The following ANK3 variants were observed in gnomAD, a reference collection of about 807,000 sequenced individuals.
ANK3 encodes the protein ankyrin 3.
In ANK3, 57 loss-of-function variants were observed where a neutral mutation model predicts 370.9. The ratio of observed to expected loss-of-function variants is 0.15; its 90% confidence interval spans 0.12 to 0.19. The LOEUF is 0.19. ANK3 is among the 10% of genes least tolerant of loss of function. The probability of loss-of-function intolerance (pLI) is 1.00; values close to 1 mark genes in which losing one functional copy is unlikely to be tolerated. For synonymous variants in ANK3, 1,929 were observed against 1,946.3 expected (o/e 0.99, Z 0.23); for missense variants, 4,439 against 5,302.1 (o/e 0.84, Z 5.06).
At chr10:60,046,697 A>G (rs2077019681) in intron 42 of ANK3, among the ~76,000 whole-genome samples, 1 of 152,168 alleles carries the variant, frequency 6.6e-6, no homozygotes, top group Admixed American at 6.5e-5. Flanking sequence ...GAGTCATAAA[A>G]TACATTTTTA....
intron 2 of ANK3, among the ~76,000 whole-genome samples, chr10:60,589,295 T>C (rs2077877679): frequency 6.6e-6 from 1 of 152,218 alleles, no homozygotes; most frequent in Non-Finnish European, 1.5e-5. Context: ...TATCTTATTC[T>C]AATTTTGCAC....
intron 1 of ANK3, among the ~76,000 whole-genome samples, chr10:60,387,818 G>C (rs563634353): frequency 5.0e-4 from 76 of 152,250 alleles, no homozygotes; most frequent in African/African-American, 1.8e-3. Flanking sequence ...AAGTCAAACA[G>C]GGACCCAGGC....
In ANK3 at chr10:60,069,029, G is replaced by C. The variant is rs1328368139; in HGVS notation, c.11852C>G (p.Pro3951Arg). The C allele has an allele frequency of 6.2e-7, 1 of 1,614,096 alleles. No individual in the cohort carries two copies. Among genetic ancestry groups the C allele is most frequent in the Admixed American group, 1.7e-5 (1 of 59,992 alleles). The change falls in exon 37 of 44, where the codon CCA (proline) becomes CGA (arginine). Residue 3951 changes from proline (P) to arginine (R), a missense_variant. Transcript: ENST00000280772. The stretch of plus-strand genomic sequence containing the variant: ...GACACAGGTGGATCTTACCTTTACT[G>C]GCAACTTGGATGGAAGCTGTTTGGC... Reference protein sequence around the residue: ...GKAKQLPSKLPVKVRSTCVTT... With the variant: ...GKAKQLPSKLRVKVRSTCVTT...
At chr10:60,559,492 G>T (rs548252123) in intron 2 of ANK3, among the ~76,000 whole-genome samples, 33 of 152,214 alleles carry the variant, frequency 2.2e-4, no homozygotes, top group African/African-American at 7.7e-4. Context: ...AACTGTGCTA[G>T]CTACTTGACA....
chr10:60,156,838 T>C (rs2095343813), intron 23 of ANK3, among the ~76,000 whole-genome samples: 1 of 152,154 alleles, frequency 6.6e-6, no homozygotes, highest in Non-Finnish European at 1.5e-5. Context: ...AACAAGCCTA[T>C]ACTGTGAAGA....
chr10:60,123,173 A>G (rs1267015243), intron 25 of ANK3, among the ~76,000 whole-genome samples: 1 of 152,218 alleles, frequency 6.6e-6, no homozygotes, highest in Admixed American at 6.5e-5. Context: ...TGTTAAAGAA[A>G]AATTCACACG....
At chr10:60,233,966 C>G (rs934763140) in intron 8 of ANK3, among the ~76,000 whole-genome samples, 1 of 152,186 alleles carries the variant, frequency 6.6e-6, no homozygotes, top group South Asian at 2.1e-4. Flanking sequence ...TTTCACTATT[C>G]TAGATGTCTC....
At chr10:60,484,467 G>T (rs2075300816) in intron 2 of ANK3, among the ~76,000 whole-genome samples, 1 of 152,178 alleles carries the variant, frequency 6.6e-6, no homozygotes, top group East Asian at 1.9e-4. Flanking sequence ...GAGATATGTG[G>T]GAAAGACTAA....
intron 1 of ANK3, among the ~76,000 whole-genome samples, chr10:60,722,881 C>T (rs1362934448): frequency 6.6e-6 from 1 of 152,170 alleles, no homozygotes; most frequent in African/African-American, 2.4e-5. Context: ...CTTCCTGATG[C>T]CTTAGCAGGA....
intron 1 of ANK3, among the ~76,000 whole-genome samples, chr10:60,728,617 A>G (rs1432862349): frequency 6.6e-6 from 1 of 152,218 alleles, no homozygotes; most frequent in Admixed American, 6.5e-5. Context: ...AATAAACCTT[A>G]GAAATACTTT....
chr10:60,283,051 C>T (rs1243634656), intron 1 of ANK3, among the ~76,000 whole-genome samples: 8 of 152,182 alleles, frequency 5.3e-5, no homozygotes, highest in Non-Finnish European at 1.0e-4. Flanking sequence ...TCTGGATACA[C>T]ATTGGTGGAA....
At position 60,389,525 on chromosome 10, in the gene ANK3, G is replaced by A. The variant is rs1235246078; in HGVS notation, c.14C>T (p.Ala5Val). The A allele has an allele frequency of 6.2e-7, 1 of 1,613,538 alleles. No homozygotes were observed. The highest frequency in any genetic ancestry group is 8.5e-7 in the Non-Finnish European group (1 of 1,179,890). Residue 5 changes from alanine to valine, a missense_variant, in exon 1 of 44, where the codon GCC becomes GTC. Ala to Val is a moderately conservative substitution (Grantham distance 64, BLOSUM62 0). Around this residue, in one of 13 missense-constraint regions of ANK3, gnomAD observed 54 missense variants for 52.7 expected, o/e 1.02. Coordinates refer to ENST00000280772, the MANE Select transcript of ANK3 (RefSeq NM_020987.5). Reference sequence around the variant, plus strand: ...ATCCCTGTTTTTCTTTAATTGTGAGGCTGCATGAGCCATAATGCATTTAAA... The same window carrying A: ...ATCCCTGTTTTTCTTTAATTGTGAGACTGCATGAGCCATAATGCATTTAAA... MAHA[A>V]SQLKKNRDLE...
intron 29 of ANK3, among the ~76,000 whole-genome samples, chr10:60,087,353 C>G (rs1351399459): frequency 6.6e-6 from 1 of 152,196 alleles, no homozygotes; most frequent in Non-Finnish European, 1.5e-5. Flanking sequence ...TACTAAGCCT[C>G]TCTTCTACCA....
At chr10:60,246,500 T>C (rs142589828) in intron 7 of ANK3, among the ~76,000 whole-genome samples, 1 of 152,204 alleles carries the variant, frequency 6.6e-6, no homozygotes, top group Non-Finnish European at 1.5e-5. Context: ...CCGAAGATAC[T>C]GATGCCAATG....
intron 23 of ANK3, among the ~76,000 whole-genome samples, chr10:60,148,353 T>G (rs1340976601): frequency 6.6e-6 from 1 of 152,198 alleles, no homozygotes; most frequent in East Asian, 1.9e-4. Context: ...ATAGGACATT[T>G]TTCATTGCTC....
At chr10:60,485,231 T>G (rs1298475970) in intron 2 of ANK3, among the ~76,000 whole-genome samples, 1 of 152,170 alleles carries the variant, frequency 6.6e-6, no homozygotes, top group African/African-American at 2.4e-5. Flanking sequence ...TCCTAGAGGC[T>G]GAAATCTGTT....
At chr10:60,408,291 G>A (rs1342277531) in intron 2 of ANK3, among the ~76,000 whole-genome samples, 1 of 152,192 alleles carries the variant, frequency 6.6e-6, no homozygotes, top group Non-Finnish European at 1.5e-5. Flanking sequence ...GTGTTGGGGT[G>A]TGGCTTGGTG....
intron 13 of ANK3, 22 bp downstream of exon 13, chr10:60,200,107 A>G (rs1244095654): frequency 2.5e-6 from 4 of 1,589,898 alleles, no homozygotes; most frequent in Non-Finnish European, 3.5e-6. Context: ...AATTTCAAAC[A>G]CTTGTCAAGT....
chr10:60,711,776 A>G lies in ANK3; in HGVS notation c.57+21487T>C, dbSNP rs2079712076. Among the ~76,000 whole-genome samples the G allele has an allele frequency of 2.0e-5, 3 of 152,214 alleles. No homozygotes were observed. The South Asian group carries it at 6.2e-4, about 31-fold the overall frequency. On this transcript the variant is annotated intron_variant, in intron 1 of 43. Coordinates refer to the ANK3 transcript ENST00000373827. ...CAAAAAATCTACATCTAGACATATT[A>G]TATCTAAATTGCAGAAAATCAAAGA... is the stretch of plus-strand genomic sequence containing the variant.
Sources: gnomAD v4.1 joint callset for allele counts (sites outside exome capture counted in the v4.1 genomes callset) on GRCh38, gnomAD v4.1.1 for gene constraint, gnomAD v4.1.1 regional missense constraint, MANE v1.5 for transcripts, NCBI Gene and HGNC (gene_info 2026-07-23, HGNC 2026-07-21) for gene names.